The following OR51B5 variants were observed in gnomAD, a reference collection of about 807,000 sequenced individuals.
The protein encoded by OR51B5 is olfactory receptor family 51 subfamily B member 5.
For synonymous variants in OR51B5, 186 were observed against 144.8 expected, an observed-to-expected ratio of 1.28 and a Z score of -2.04; for missense variants, 456 against 374.6, an observed-to-expected ratio of 1.22 and a Z score of -1.79.
chr11:5,375,283 T>G (rs1235765103), intron 1 of OR51B5, among the ~76,000 whole-genome samples: 1 of 151,320 alleles, frequency 6.6e-6, no homozygotes, highest in Non-Finnish European at 1.5e-5. Flanking sequence ...AAGCAAATGC[T>G]GAGAGATTTT....
intron 1 of OR51B5, among the ~76,000 whole-genome samples, chr11:5,480,112 G>T (rs1178724705): frequency 1.3e-5 from 2 of 152,112 alleles, no homozygotes; most frequent in East Asian, 3.9e-4. Context: ...TGGAAGTAAA[G>T]CTCTCCTCAT....
chr11:5,412,088 A>G (rs901494032), intron 1 of OR51B5, among the ~76,000 whole-genome samples: 1 of 152,210 alleles, frequency 6.6e-6, no homozygotes, highest in Non-Finnish European at 1.5e-5. Flanking sequence ...GAAAACTAAT[A>G]TAACAGCACA....
At chr11:5,350,583 A>G (rs961803873) in intron 1 of OR51B5, among the ~76,000 whole-genome samples, 6 of 152,066 alleles carry the variant, frequency 3.9e-5, no homozygotes, top group African/African-American at 7.2e-5. Context: ...ATCAGATTCC[A>G]TAGTTTTAAA....
At chr11:5,480,037 AC>A (rs1851390736) in intron 1 of OR51B5, among the ~76,000 whole-genome samples, 1 of 151,878 alleles carries the variant, frequency 6.6e-6, no homozygotes, top group South Asian at 2.1e-4. Context: ...AGAACTCTCC[AC>A]CCCAAATCAA....
chr11:5,419,368 A>G (rs755886801), intron 1 of OR51B5, among the ~76,000 whole-genome samples: 7 of 152,218 alleles, frequency 4.6e-5, no homozygotes, highest in Non-Finnish European at 8.8e-5. Flanking sequence ...TTGGAATTCA[A>G]CAGAACTACA....
chr11:5,384,604 A>G (rs990992937), intron 1 of OR51B5, among the ~76,000 whole-genome samples: 1 of 152,250 alleles, frequency 6.6e-6, no homozygotes, highest in East Asian at 1.9e-4. Flanking sequence ...TCAGGATGGC[A>G]GAAGCCCTCT....
At chr11:5,405,769 G>C (rs1475713320) in intron 1 of OR51B5, among the ~76,000 whole-genome samples, 1 of 152,176 alleles carries the variant, frequency 6.6e-6, no homozygotes, top group Non-Finnish European at 1.5e-5. Context: ...ACAGTTAATG[G>C]TGTGAGTCTG....
chr11:5,444,827 T>A (rs2133234), intron 1 of OR51B5, among the ~76,000 whole-genome samples: 4,484 of 152,170 alleles, frequency 0.029, 174 homozygotes, highest in African/African-American at 0.097. Context: ...CAGGAGAATA[T>A]CTTTCTTGGC....
chr11:5,403,726 T>C (rs1850011704), intron 1 of OR51B5, among the ~76,000 whole-genome samples: 1 of 152,148 alleles, frequency 6.6e-6, no homozygotes, highest in African/African-American at 2.4e-5. Context: ...GAATTATGTG[T>C]GACAGAACAG....
intron 1 of OR51B5, among the ~76,000 whole-genome samples, chr11:5,373,312 G>A (rs949105588): frequency 1.3e-5 from 2 of 152,098 alleles, no homozygotes; most frequent in Admixed American, 6.6e-5. Flanking sequence ...TATATTGATC[G>A]ATTTTTTCTT....
intron 1 of OR51B5, among the ~76,000 whole-genome samples, chr11:5,358,662 A>C (rs1038434967): frequency 7.2e-5 from 11 of 152,098 alleles, no homozygotes; most frequent in Non-Finnish European, 5.9e-5. Context: ...CATCATCCTG[A>C]TACCAAAGCC....
chr11:5,473,785 T>A (rs1184212420), intron 1 of OR51B5, among the ~76,000 whole-genome samples: 1 of 152,104 alleles, frequency 6.6e-6, no homozygotes, highest in East Asian at 1.9e-4. Flanking sequence ...AAACTAGAAC[T>A]TCATTGGAAA....
At chr11:5,451,969 AAAT>A (rs1002141931) in intron 1 of OR51B5, among the ~76,000 whole-genome samples, 1 of 152,206 alleles carries the variant, frequency 6.6e-6, no homozygotes, top group Non-Finnish European at 1.5e-5. Flanking sequence ...TGGCTGTAAG[AAAT>A]AATATGTGAA....
At chr11:5,365,803 T>C (rs764952401) in intron 1 of OR51B5, among the ~76,000 whole-genome samples, 3 of 152,264 alleles carry the variant, frequency 2.0e-5, no homozygotes, top group Non-Finnish European at 4.4e-5. Context: ...CCACATTGTC[T>C]AGCACATTAT....
At chr11:5,356,239 A>G (rs1179086145) in intron 1 of OR51B5, among the ~76,000 whole-genome samples, 1 of 152,072 alleles carries the variant, frequency 6.6e-6, no homozygotes, top group African/African-American at 2.4e-5. Context: ...AATAAATTAG[A>G]CTAATGGCTA....
chr11:5,374,439 A>AG (rs1849492482), intron 1 of OR51B5, among the ~76,000 whole-genome samples: 1 of 152,224 alleles, frequency 6.6e-6, no homozygotes, highest in Non-Finnish European at 1.5e-5. Context: ...CCTCCTCCAA[A>AG]GGAAAGCAGT....
chr11:5,363,235 C>T (rs879832179), intron 1 of OR51B5, among the ~76,000 whole-genome samples: 15,521 of 85,290 alleles, frequency 0.18, 1,081 homozygotes, highest in South Asian at 0.26. Flanking sequence ...GAACCCAACC[C>T]CTCACACACA....
chr11:5,488,906 G>A, intron 1 of OR51B5: 1 of 1,613,986 alleles, frequency 6.2e-7, no homozygotes. Context: ...CTCTTCCTCT[G>A]CCTTCTCTCA....
chr11:5,408,787 C>T (rs1302890375), intron 1 of OR51B5, among the ~76,000 whole-genome samples: 1 of 152,126 alleles, frequency 6.6e-6, no homozygotes, highest in Non-Finnish European at 1.5e-5. Context: ...CAGCCTTAAT[C>T]TCACTTTCTG....
Sources: allele counts gnomAD v4.1 joint callset (sites outside exome capture counted in the v4.1 genomes callset), GRCh38; gene constraint gnomAD v4.1.1; transcripts MANE v1.5; gene names NCBI Gene and HGNC (gene_info 2026-07-23, HGNC 2026-07-21).